Variants in PDIA6 observed in about 807,000 individuals in gnomAD.
PDIA6 encodes protein disulfide-isomerase A6.
In PDIA6, 29 loss-of-function variants were observed where a neutral mutation model predicts 58.4. The ratio of observed to expected loss-of-function variants is 0.50; its 90% confidence interval spans 0.37 to 0.68. PDIA6 has a LOEUF of 0.68. Ranked by LOEUF, PDIA6 falls within the 30% of genes least tolerant of loss-of-function variation. The probability of loss-of-function intolerance (pLI) is 0.00; values close to 1 mark genes in which losing one functional copy is unlikely to be tolerated. For missense variants in PDIA6, 480 were observed against 551.0 expected, an observed-to-expected ratio of 0.87 and a Z score of 1.29; for synonymous variants, 192 against 202.6, an observed-to-expected ratio of 0.95 and a Z score of 0.44.
chr2:10,819,643 C>T (rs2357815), intron 1 of PDIA6, among the ~76,000 whole-genome samples: 38,238 of 152,076 alleles, frequency 0.25, 5,076 homozygotes, highest in Non-Finnish European at 0.27. Context: ...AACCCAGGGC[C>T]TTCTGGACAC....
intron 1 of PDIA6, chr2:10,810,432 A>G (rs1666954877): frequency 7.8e-6 from 11 of 1,402,290 alleles, no homozygotes; most frequent in Non-Finnish European, 1.0e-5. Flanking sequence ...TGCAGTCACC[A>G]GAACAGACCA....
chr2:10,785,629 C>T (rs1292249852), intron 11 of PDIA6, among the ~76,000 whole-genome samples: 1 of 152,084 alleles, frequency 6.6e-6, no homozygotes, highest in Non-Finnish European at 1.5e-5. Flanking sequence ...ATAAGCAAAC[C>T]TATTATTAGA....
At chr2:10,785,697 T>C (rs1665694504) in intron 11 of PDIA6, among the ~76,000 whole-genome samples, 1 of 152,206 alleles carries the variant, frequency 6.6e-6, no homozygotes, top group Non-Finnish European at 1.5e-5. Context: ...TAAATACTAC[T>C]CTATGACAAT....
intron 2 of PDIA6, among the ~76,000 whole-genome samples, chr2:10,800,327 A>G (rs1182670457): frequency 1.3e-5 from 2 of 152,208 alleles, no homozygotes; most frequent in Non-Finnish European, 2.9e-5. Flanking sequence ...AGCATTTCAG[A>G]TTTTGTATTC....
chr2:10,835,420 A>G (rs896015901), upstream of PDIA6, among the ~76,000 whole-genome samples: 13 of 151,924 alleles, frequency 8.6e-5, no homozygotes, highest in Non-Finnish European at 7.4e-5. Context: ...TCCGGGGCGT[A>G]TTCCTTCCAG....
intron 5 of PDIA6, among the ~76,000 whole-genome samples, chr2:10,792,149 C>T (rs1259608048): frequency 6.6e-6 from 1 of 152,170 alleles, no homozygotes; most frequent in Non-Finnish European, 1.5e-5. Flanking sequence ...ACATTCAGTA[C>T]AACACATAAC....
At chr2:10,817,212 G>A (rs1270592644), upstream of PDIA6, among the ~76,000 whole-genome samples, 1 of 152,180 alleles carries the variant, frequency 6.6e-6, no homozygotes, top group Non-Finnish European at 1.5e-5. Flanking sequence ...CTCTAATTTA[G>A]TTAAAAGAGT....
At chr2:10,816,376 A>G (rs901344267), upstream of PDIA6, among the ~76,000 whole-genome samples, 3 of 143,178 alleles carry the variant, frequency 2.1e-5, no homozygotes, top group South Asian at 6.7e-4. Context: ...GTGGGCCACC[A>G]TGCCCGGCCT....
At chr2:10,812,561 CCG>C in intron 1 of PDIA6, 115 bp downstream of exon 1, 1 of 1,069,132 alleles carries the variant, frequency 9.4e-7, no homozygotes, top group Non-Finnish European at 1.2e-6. Flanking sequence ...CGCCTCCCGC[CCG>C]CCAGGCCCAC....
At chr2:10,814,253 A>G (rs1365820905), upstream of PDIA6, among the ~76,000 whole-genome samples, 1 of 152,180 alleles carries the variant, frequency 6.6e-6, no homozygotes, top group African/African-American at 2.4e-5. Context: ...AAGATTTTTC[A>G]GGCAAACTGA....
At chr2:10,835,769 G>T (rs1406681766), upstream of PDIA6, among the ~76,000 whole-genome samples, 1 of 152,106 alleles carries the variant, frequency 6.6e-6, no homozygotes, top group African/African-American at 2.4e-5. Context: ...CTTAGAGAGG[G>T]GGCCGGGCGC....
At chr2:10,808,797 GA>G (rs1666871971) in intron 1 of PDIA6, among the ~76,000 whole-genome samples, 1 of 152,188 alleles carries the variant, frequency 6.6e-6, no homozygotes, top group Non-Finnish European at 1.5e-5. Context: ...GAATTCTGAA[GA>G]CTTAATGGAG....
Position 10,790,943 on chromosome 2 carries a change from G to A in PDIA6, c.585-110C>T, listed in dbSNP as rs187935859. On this transcript the variant is annotated intron_variant, in intron 6 of 12. Coordinates refer to ENST00000272227, the MANE Select transcript of PDIA6 (RefSeq NM_005742.4). The stretch of plus-strand genomic sequence containing the variant: ...TGGCTCCCTGCAGCCTCAATCTCCT[G>A]GGCTCAGGTGATCTCATTTCAGCCT... 587 of 702,422 alleles carry A rather than the reference G, an allele frequency of 8.4e-4. 2 individuals are homozygous for A. The highest frequency in any genetic ancestry group is 9.3e-4 in the Non-Finnish European group (373 of 401,302). The allele number at this position is 702,422 out of a possible 1,614,324, so 43.5% of individuals were successfully genotyped here.
At chr2:10,795,698 C>T (rs1325703783) in intron 4 of PDIA6, among the ~76,000 whole-genome samples, 1 of 152,160 alleles carries the variant, frequency 6.6e-6, no homozygotes, top group Non-Finnish European at 1.5e-5. Flanking sequence ...GGCTAGCAGC[C>T]AGGCAGCCAG....
rs763254189 is a variant in PDIA6 at position 10,819,458 on chromosome 2, C to T, written c.-47-104G>A. The T allele has an allele frequency of 1.5e-4, 101 of 680,864 alleles. 1 individual carries two copies. Among genetic ancestry groups the T allele is most frequent in the Non-Finnish European group, 2.0e-4 (81 of 399,360 alleles). 42.2% of individuals were successfully genotyped at this position (680,864 alleles called of 1,614,324 possible). On this transcript the variant is annotated intron_variant, in intron 1 of 13. Transcript: ENST00000381611. ...CCACGTATTTACATCTGTGAACCTG[C>T]TAAAACTGCTTTTGTTAATCAACGA...
rs552332922 is a variant in PDIA6 at position 10,820,916 on chromosome 2, G to A, written c.-47-1562C>T. The A allele has an allele frequency of 3.4e-4, 236 of 699,102 alleles. 1 individual carries two copies. The highest frequency in any genetic ancestry group is 1.7e-3 in the South Asian group (113 of 67,396). 43.3% of individuals were successfully genotyped at this position (699,102 alleles called of 1,614,324 possible). A position where few individuals can be genotyped will look rare whatever the true frequency, so the allele number is the denominator to read the frequency against. ...TGGAAGCTGTGCTCTGAGAGTGAGC[G>A]TCCTAAGAGTCAGGAAGAGGAAGCT... On this transcript the variant is annotated intron_variant, in intron 1 of 13. Coordinates refer to the PDIA6 transcript ENST00000381611.
intron 2 of PDIA6, among the ~76,000 whole-genome samples, chr2:10,799,556 T>C (rs945898707): frequency 7.2e-5 from 11 of 152,342 alleles, no homozygotes; most frequent in South Asian, 2.1e-4. Context: ...TAACTGAGTA[T>C]TGGGGCCTAA....
In PDIA6 at chr2:10,788,772, G is replaced by A; in HGVS notation, c.926-3C>T. 1 of 1,608,736 alleles carries A rather than the reference G, an allele frequency of 6.2e-7. No homozygotes were observed. The highest frequency in any genetic ancestry group is 8.5e-7 in the Non-Finnish European group (1 of 1,175,130). On this transcript the variant is annotated splice_polypyrimidine_tract_variant and splice_region_variant and intron_variant, in intron 9 of 12. Coordinates refer to ENST00000272227, the MANE Select transcript of PDIA6 (RefSeq NM_005742.4). The stretch of plus-strand genomic sequence containing the variant: ...ATAAGAATTTCTGCCTGCAGCTCCT[G>A]ATTTAAATAGACAAAGTTTTTTAAA...
At chr2:10,808,153 G>T (rs1395453286) in intron 1 of PDIA6, among the ~76,000 whole-genome samples, 2 of 152,266 alleles carry the variant, frequency 1.3e-5, no homozygotes, top group Admixed American at 6.5e-5. Context: ...TCAGAGGAAA[G>T]AATAGATTTA....
Sources: allele counts gnomAD v4.1 joint callset (sites outside exome capture counted in the v4.1 genomes callset), GRCh38; gene constraint gnomAD v4.1.1; transcripts MANE v1.5; gene names NCBI Gene and HGNC (gene_info 2026-07-23, HGNC 2026-07-21).